EVPL: variants seen among roughly 807,000 people sequenced by gnomAD.
EVPL encodes 210 kDa cornified envelope precursor protein.
EVPL carries 94 observed loss-of-function variants against 129.7 expected under a neutral mutation model. The ratio of observed to expected loss-of-function variants is 0.72; its 90% CI spans 0.61 to 0.86. The LOEUF (loss-of-function observed/expected upper bound fraction) is 0.86. EVPL is among the 40% of genes least tolerant of loss of function. The pLI, the probability that EVPL is intolerant of heterozygous loss-of-function variation, is 0.00. For synonymous variants in EVPL, 1,172 were observed against 1,191.1 expected (o/e 0.98, Z 0.33); for missense variants, 2,625 against 2,721.1 (o/e 0.96, Z 0.79).
Position 76,023,486 on chromosome 17 carries a change from G to A in EVPL, c.353+14C>T, listed in dbSNP as rs780889748. On this transcript the variant is annotated intron_variant, in intron 3 of 21. Transcript: ENST00000301607. Reference sequence around the variant, plus strand: ...TTCCCCAGGGACCCCCAGCCCTGCCGCAGCTCCACTCACTCCTTCTCAATC... The same window carrying A: ...TTCCCCAGGGACCCCCAGCCCTGCCACAGCTCCACTCACTCCTTCTCAATC... 15 of 1,611,580 alleles carry A rather than the reference G, an allele frequency of 9.3e-6. No homozygotes were observed. The highest frequency in any genetic ancestry group is 2.2e-5 in the East Asian group (1 of 44,786).
rs367699186 is a variant in EVPL at position 76,014,946 on chromosome 17, T to C, written c.2192A>G (p.Tyr731Cys). ...QRQVRALTDR[Y>C]HAVGDQLDLR... is the part of the protein sequence containing the mutation. ...GTCCAGCTGGTCCCCTACGGCGTGG[T>C]AGCGGTCGGTGAGGGCTCGCACCTG... The change falls in exon 17 of 22, where the codon TAC becomes TGC. Residue 731 changes from tyrosine to cysteine, a missense_variant. Physicochemically the swap from Tyr to Cys is radical, Grantham distance 194 (BLOSUM62 -2). Coordinates refer to ENST00000301607, the MANE Select transcript of EVPL (RefSeq NM_001988.4). 6.3e-6 allele frequency: 10 copies of C among 1,592,786 alleles called. No homozygotes were observed. The African/African-American group carries it at 1.2e-4, about 19-fold the overall frequency.
chr17:76,009,897 G>A lies in EVPL; in HGVS notation c.3308C>T (p.Ala1103Val). The A allele has an allele frequency of 6.2e-7, 1 of 1,614,110 alleles. No individual in the cohort carries two copies. Among genetic ancestry groups the A allele is most frequent in the Admixed American group, 1.7e-5 (1 of 60,016 alleles). The change falls in exon 22 of 22, where the codon GCT (alanine) becomes GTT (valine). Residue 1103 changes from alanine to valine, a missense_variant. Ala to Val is a moderately conservative substitution (Grantham distance 64, BLOSUM62 0). This residue lies in a region of EVPL where 1,453 missense variants were observed against 1,511.8 expected (regional missense o/e 0.96). Transcript: ENST00000301607. This position sits in a 1 kb window ranked among gnomAD's most constrained non-coding sequence, Gnocchi z 5.9. ...QALRLQMEEDAARRKQAEEAV... is the reference protein window; with the variant it reads ...QALRLQMEEDVARRKQAEEAV... ...CTCCTCCGCCTGCTTCCTCCGCGCA[G>A]CATCCTCCTCCATCTGCAGCCTCAG...
In EVPL at chr17:76,018,171, G is replaced by T; in HGVS notation, c.1527C>A (p.Pro509=). Residue 509 remains proline (P), a synonymous_variant, in exon 13 of 22, where the codon CCC becomes CCA. Coordinates refer to ENST00000301607, the MANE Select transcript of EVPL (RefSeq NM_001988.4). ...LKASAVESLR[P]SQQAPSGSDL... is the part of the protein sequence containing the mutation. ...GGCCACCCTGGGTACCCTGCTGGCT[G>T]GGCCGAAGAGACTCCACAGCACTGG... 5 of 1,550,986 alleles carry T rather than the reference G, an allele frequency of 3.2e-6. No homozygotes were observed. The highest frequency in any genetic ancestry group is 4.4e-6 in the Non-Finnish European group (5 of 1,146,850).
Position 76,007,343 on chromosome 17 carries a change from G to A in EVPL, c.5862C>T (p.Pro1954=), listed in dbSNP as rs371442298. Reference sequence around the variant, plus strand: ...TCCCGGAGAGGAGGGCCTGCTGGATGGGGATGCGGCCTGTCCTCTTGGGGT... The same window carrying A: ...TCCCGGAGAGGAGGGCCTGCTGGATAGGGATGCGGCCTGTCCTCTTGGGGT... ...LIDPKRTGRI[P]IQQALLSGMI... Residue 1954 remains proline (P), a synonymous_variant, in exon 22 of 22, where the codon CCC becomes CCT. Coordinates refer to ENST00000301607, the MANE Select transcript of EVPL (RefSeq NM_001988.4). The surrounding 1 kb of genome is among the most constrained non-coding windows in gnomAD (Gnocchi z 8.8). The A allele has an allele frequency of 1.7e-5, 27 of 1,572,944 alleles. No individual in the cohort carries two copies. The highest frequency in any genetic ancestry group is 2.3e-5 in the Non-Finnish European group (26 of 1,155,320).
At position 76,007,549 on chromosome 17, in the gene EVPL, C is replaced by T. The variant is rs753759238; in HGVS notation, c.5656G>A (p.Gly1886Ser). 9 of 1,613,890 alleles carry T rather than the reference C, an allele frequency of 5.6e-6. No homozygotes were observed. Among genetic ancestry groups the T allele is most frequent in the African/African-American group, 2.7e-5 (2 of 74,920 alleles). The change falls in exon 22 of 22, where the codon GGC becomes AGC. Residue 1886 changes from glycine (G) to serine (S), a missense_variant. Around this residue, in one of 4 missense-constraint regions of EVPL, gnomAD observed 1,453 missense variants for 1,511.8 expected, o/e 0.96. Coordinates refer to ENST00000301607, the MANE Select transcript of EVPL (RefSeq NM_001988.4). This position sits in a 1 kb window ranked among gnomAD's most constrained non-coding sequence, Gnocchi z 8.8. ...TGTGTGGAGGTGTTCTCGATCAGGCCCCTCTCCATCGCCTTGTGCACAGAG... is the reference window on the plus strand; with the variant it reads ...TGTGTGGAGGTGTTCTCGATCAGGCTCCTCTCCATCGCCTTGTGCACAGAG... ...RYSVHKAMER[G>S]LIENTSTQRL...
chr17:76,018,588 G>C lies in EVPL; in HGVS notation c.1297C>G (p.Gln433Glu), dbSNP rs201018046. Residue 433 changes from glutamine to glutamate, a missense_variant, in exon 12 of 22, where the codon CAG becomes GAG. Physicochemically the swap from Gln to Glu is conservative, Grantham distance 29. Transcript: ENST00000301607. The stretch of plus-strand genomic sequence containing the variant: ...TCTACCAGCTTATACCGCTCACCCT[G>C]CAGCAGCTGCACCTGGGGGCACAGA... ...DWDSGEVQLL[Q>E]GERYKLVDNT... The C allele has an allele frequency of 6.3e-7, 1 of 1,598,738 alleles. No homozygotes were observed. Among genetic ancestry groups the C allele is most frequent in the South Asian group, 1.1e-5 (1 of 89,870 alleles).
Position 76,024,031 on chromosome 17 carries a change from CTCTTCTGCG to C in EVPL, c.179_187del (p.Thr60_Lys62del). On this transcript the variant is annotated inframe_deletion, in exon 2 of 22. Coordinates refer to ENST00000301607, the MANE Select transcript of EVPL (RefSeq NM_001988.4). The surrounding 1 kb of genome is among the most constrained non-coding windows in gnomAD (Gnocchi z 4.5). Reference sequence around the variant, plus strand: ...CTGCCGGGGCCTCACCTGCTGCAGCCTCTTCTGCGTCTCCAGGATGTCCCGCTCCACCTG... The same window carrying C: ...CTGCCGGGGCCTCACCTGCTGCAGCCTCTCCAGGATGTCCCGCTCCACCTG... 6.2e-7 allele frequency: 1 copy of C among 1,613,274 alleles called. No individual in the cohort carries two copies.
At position 76,024,177 on chromosome 17, in the gene EVPL, TC is replaced by T; in HGVS notation, c.99-58del. 1 of 1,541,350 alleles carries T rather than the reference TC, an allele frequency of 6.5e-7. No individual in the cohort carries two copies. Among genetic ancestry groups the T allele is most frequent in the Non-Finnish European group, 8.9e-7 (1 of 1,126,536 alleles). On this transcript the variant is annotated intron_variant, in intron 1 of 21. Transcript: ENST00000301607. The surrounding 1 kb of genome is among the most constrained non-coding windows in gnomAD (Gnocchi z 4.5). ...GTGGAAGAGGCCCCTCTGTGCCCCA[TC>T]CAGGTGGCATCCCCTGCCCTCCCTC...
chr17:76,020,346 C>T (rs548215670), intron 9 of EVPL, among the ~76,000 whole-genome samples: 7 of 152,342 alleles, frequency 4.6e-5, no homozygotes, highest in African/African-American at 1.7e-4. Context: ...TCATAAAACA[C>T]TTGGTCTTCG....
Position 76,015,532 on chromosome 17 carries a change from C to G in EVPL, c.1807G>C (p.Ala603Pro). 2 of 1,612,840 alleles carry G rather than the reference C, an allele frequency of 1.2e-6. No individual in the cohort carries two copies. The highest frequency in any genetic ancestry group is 2.2e-5 in the South Asian group (2 of 91,090). The change falls in exon 15 of 22, where the codon GCC (alanine) becomes CCC (proline). Residue 603 changes from alanine (A) to proline (P), a missense_variant. By Grantham distance (27) the Ala-to-Pro change is conservative. Coordinates refer to ENST00000301607, the MANE Select transcript of EVPL (RefSeq NM_001988.4). ...TTGAGGGCTACGGGCAGCTGCAGGGCAGCGGGGCCCACGGGCCGCGTGGAC... is the reference window on the plus strand; with the variant it reads ...TTGAGGGCTACGGGCAGCTGCAGGGGAGCGGGGCCCACGGGCCGCGTGGAC... Reference protein sequence around the residue: ...FLSTRPVGPAALQLPVALNSV... With the variant: ...FLSTRPVGPAPLQLPVALNSV...
At chr17:76,018,704 G>A in intron 11 of EVPL, 104 bp from the exon 12 acceptor site, 1 of 1,335,216 alleles carries the variant, frequency 7.5e-7, no homozygotes, top group South Asian at 1.4e-5. Flanking sequence ...ACAGCAGCTG[G>A]AACAGGGACA....
At position 76,007,574 on chromosome 17, in the gene EVPL, G is replaced by C. The variant is rs942646034; in HGVS notation, c.5631C>G (p.Tyr1877Ter). 3.7e-6 allele frequency: 6 copies of C among 1,614,058 alleles called. No homozygotes were observed. Among genetic ancestry groups the C allele is most frequent in the Non-Finnish European group, 5.1e-6 (6 of 1,180,040 alleles). Residue 1877 changes from tyrosine to a stop codon, truncating the protein, a stop_gained, in exon 22 of 22, where the codon TAC (tyrosine) becomes TAG (stop). Coordinates refer to ENST00000301607, the MANE Select transcript of EVPL (RefSeq NM_001988.4). LOFTEE classifies it low-confidence loss of function (END_TRUNC). This position sits in a 1 kb window ranked among gnomAD's most constrained non-coding sequence, Gnocchi z 8.8. ...CCCTCTCCATCGCCTTGTGCACAGA[G>C]TAGCGCTCACGGCTGAGCAGGTCCA... is the stretch of plus-strand genomic sequence containing the variant. The part of the protein sequence containing the change: ...GIVDLLSRER[Y>*]SVHKAMERGL...
Position 76,009,443 on chromosome 17 carries a change from G to C in EVPL, c.3762C>G (p.Thr1254=). The stretch of plus-strand genomic sequence containing the variant: ...TCCTCTCATGCCTCACCACCTCCTG[G>C]GTCACCTCCTTGTACTCCACCGTGG... ...QKPTVEYKEV[T]QEVVRHERSP... is the part of the protein sequence containing the mutation. The change falls in exon 22 of 22, where the codon ACC becomes ACG. Residue 1254 remains threonine (T), a synonymous_variant. Coordinates refer to ENST00000301607, the MANE Select transcript of EVPL (RefSeq NM_001988.4). This position sits in a 1 kb window ranked among gnomAD's most constrained non-coding sequence, Gnocchi z 5.9. 1 of 1,614,034 alleles carries C rather than the reference G, an allele frequency of 6.2e-7. No homozygotes were observed. Among genetic ancestry groups the C allele is most frequent in the Non-Finnish European group, 8.5e-7 (1 of 1,179,998 alleles).
In EVPL at chr17:76,022,394, A is replaced by G; in HGVS notation, c.606+19T>C. ...GGCTGGGGCTGGCCCCGGATGTGAC[A>G]TCCTCCAGGCTCACCTACCGGCCCC... On this transcript the variant is annotated intron_variant, in intron 5 of 21. Transcript: ENST00000301607. This position sits in a 1 kb window ranked among gnomAD's most constrained non-coding sequence, Gnocchi z 5.6. 5 of 1,613,090 alleles carry G rather than the reference A, an allele frequency of 3.1e-6. No homozygotes were observed. Among genetic ancestry groups the G allele is most frequent in the South Asian group, 1.1e-5 (1 of 91,016 alleles).
At chr17:76,011,720 C>T in intron 20 of EVPL, 52 bp from the exon 21 acceptor site, 1 of 1,610,592 alleles carries the variant, frequency 6.2e-7, no homozygotes, top group South Asian at 1.1e-5. Flanking sequence ...CTGCCTTGGA[C>T]CCTACAGAGC....
Position 76,015,536 on chromosome 17 carries a change from G to C in EVPL, c.1803C>G (p.Pro601=). The part of the protein sequence containing the change: ...EAFLSTRPVG[P]AALQLPVALN... Reference sequence around the variant, plus strand: ...GGGCTACGGGCAGCTGCAGGGCAGCGGGGCCCACGGGCCGCGTGGACAGAA... The same window carrying C: ...GGGCTACGGGCAGCTGCAGGGCAGCCGGGCCCACGGGCCGCGTGGACAGAA... Residue 601 remains proline, a synonymous_variant, in exon 15 of 22, where the codon CCC becomes CCG. Transcript: ENST00000301607. 2 of 1,612,848 alleles carry C rather than the reference G, an allele frequency of 1.2e-6. No homozygotes were observed. Among genetic ancestry groups the C allele is most frequent in the Non-Finnish European group, 1.7e-6 (2 of 1,180,030 alleles).
At chr17:76,018,401 T>C in intron 12 of EVPL, 45 bp downstream of exon 12, 1 of 1,577,956 alleles carries the variant, frequency 6.3e-7, no homozygotes, top group Non-Finnish European at 8.6e-7. Context: ...AGGGCCGGCC[T>C]GCTCTGCCCA....
rs770371349 is a variant in EVPL at position 76,007,026 on chromosome 17, G to A, written c.*77C>T. The A allele has an allele frequency of 1.5e-5, 19 of 1,297,884 alleles. No individual in the cohort carries two copies. Among genetic ancestry groups the A allele is most frequent in the Non-Finnish European group, 1.9e-5 (19 of 1,020,498 alleles). 80.4% of individuals were successfully genotyped at this position (1,297,884 alleles called of 1,614,324 possible). On this transcript the variant is annotated 3_prime_UTR_variant, in exon 22 of 22. Coordinates refer to ENST00000301607, the MANE Select transcript of EVPL (RefSeq NM_001988.4). This position sits in a 1 kb window ranked among gnomAD's most constrained non-coding sequence, Gnocchi z 8.8. Reference sequence around the variant, plus strand: ...AGGGAAGACCCACTGCCTGGGATGAGGCTGCTCTGAGGCAAGAGGTGTACG... The same window carrying A: ...AGGGAAGACCCACTGCCTGGGATGAAGCTGCTCTGAGGCAAGAGGTGTACG...
chr17:76,023,950 C>T (rs1363928044), intron 2 of EVPL, 71 bp downstream of exon 2: 2 of 1,538,722 alleles, frequency 1.3e-6, no homozygotes, highest in Non-Finnish European at 1.8e-6. Flanking sequence ...TCAGGGAGTG[C>T]CAGGCCTGAT....
Sources: gnomAD v4.1 joint callset for allele counts (sites outside exome capture counted in the v4.1 genomes callset) on GRCh38, gnomAD v4.1.1 for gene constraint, gnomAD v4.1.1 regional missense constraint, Gnocchi (gnomAD v3.1) non-coding constraint, MANE v1.5 for transcripts, NCBI Gene and HGNC (gene_info 2026-07-23, HGNC 2026-07-21) for gene names.